MAML2: variants seen among roughly 807,000 people sequenced by gnomAD.
The protein encoded by MAML2 is mastermind like transcriptional coactivator 2.
MAML2 carries 22 observed loss-of-function variants against 96.1 expected under a neutral mutation model. That is an observed-to-expected ratio of 0.23 (90% confidence interval 0.16 to 0.33). The LOEUF is 0.33. Ranked by LOEUF, MAML2 falls within the 10% of genes least tolerant of loss-of-function variation. MAML2 has a pLI of 1.00. For missense variants in MAML2, 1,367 were observed against 1,392.4 expected (o/e 0.98, Z 0.29); for synonymous variants, 561 against 521.3 (o/e 1.08, Z -1.04).
intron 2 of MAML2, among the ~76,000 whole-genome samples, chr11:96,046,048 C>T (rs890106433): frequency 4.6e-5 from 7 of 152,264 alleles, no homozygotes; most frequent in African/African-American, 1.7e-4. Flanking sequence ...TTCTCCTTCT[C>T]CTTCACTTGC....
In MAML2 at chr11:96,342,169, G is replaced by T; in HGVS notation, c.-274C>A. 2.1e-6 allele frequency: 1 copy of T among 485,306 alleles called. No homozygotes were observed. Among genetic ancestry groups the T allele is most frequent in the Admixed American group, 3.7e-5 (1 of 26,916 alleles). The allele number at this position is 485,306 out of a possible 1,614,324, so 30.1% of individuals were successfully genotyped here. On this transcript the variant is annotated 5_prime_UTR_variant, in exon 1 of 5. Transcript: ENST00000524717. ...TACTCTAATTGCATTTGACAGCTCT[G>T]GAGAAGTTGGACAGAGTTGGTGGAT... is the stretch of plus-strand genomic sequence containing the variant.
intron 1 of MAML2, among the ~76,000 whole-genome samples, chr11:96,211,287 T>A (rs1466957374): frequency 6.6e-6 from 1 of 152,148 alleles, no homozygotes; most frequent in Admixed American, 6.5e-5. Context: ...AATTATTCAG[T>A]AAATGGTTAT....
chr11:96,246,330 G>C (rs1037822750), intron 1 of MAML2, among the ~76,000 whole-genome samples: 5 of 152,070 alleles, frequency 3.3e-5, no homozygotes, highest in Non-Finnish European at 1.5e-5. Context: ...GTGTTTATAA[G>C]TAGAAAAGGC....
intron 2 of MAML2, among the ~76,000 whole-genome samples, chr11:96,038,599 T>A (rs948036315): frequency 6.6e-6 from 1 of 152,250 alleles, no homozygotes; most frequent in Non-Finnish European, 1.5e-5. Context: ...TTGCTCTTAC[T>A]GCATGGTATT....
At chr11:96,312,242 A>AAAAAAAAAAAAAAAAAT in intron 1 of MAML2, among the ~76,000 whole-genome samples, 1 of 150,768 alleles carries the variant, frequency 6.6e-6, no homozygotes, top group Non-Finnish European at 1.5e-5. Flanking sequence ...AAAAAAAAAA[A>AAAAAAAAAAAAAAAAAT]AAGAATGAGC....
At chr11:96,229,992 C>T (rs1862269216) in intron 1 of MAML2, among the ~76,000 whole-genome samples, 1 of 152,166 alleles carries the variant, frequency 6.6e-6, no homozygotes, top group Non-Finnish European at 1.5e-5. Context: ...TTAAACTTAA[C>T]ACCAGTTGTT....
rs1376464762 is a variant in MAML2, at chr11:96,206,234, GGTGA to G, written c.514-112721_514-112718del. ...TTCTTTATGCAACATGAATATTTGG[GGTGA>G]GTATCAGTAATACAAGAGAAAGTAA... On this transcript the variant is annotated intron_variant, in intron 1 of 4. Coordinates refer to ENST00000524717, the MANE Select transcript of MAML2 (RefSeq NM_032427.4). 7.2e-5 allele frequency among the ~76,000 whole-genome samples: 11 copies of G among 152,182 alleles called. No homozygotes were observed. The South Asian group carries it at 2.1e-3, about 29-fold the overall frequency.
Position 96,342,041 on chromosome 11 carries a change from C to A in MAML2, c.-146G>T. The A allele has an allele frequency of 4.4e-6, 3 of 686,882 alleles. No homozygotes were observed. Among genetic ancestry groups the A allele is most frequent in the South Asian group, 2.9e-5 (1 of 34,376 alleles). 42.5% of individuals were successfully genotyped at this position (686,882 alleles called of 1,614,324 possible). ...AGGTCTTCAGAGGTTGTGGGGGAGC[C>A]GTGGAGAAGTTGTGGGGGAGGGGAG... On this transcript the variant is annotated 5_prime_UTR_variant, in exon 1 of 5. Coordinates refer to ENST00000524717, the MANE Select transcript of MAML2 (RefSeq NM_032427.4).
intron 1 of MAML2, among the ~76,000 whole-genome samples, chr11:96,099,684 A>G (rs1181045787): frequency 1.3e-5 from 2 of 152,166 alleles, no homozygotes; most frequent in Non-Finnish European, 1.5e-5. Context: ...AAACAATGCT[A>G]AAAAGGAGGT....
chr11:95,977,522 T>C lies in MAML2; in HGVS notation c.*1426A>G, dbSNP rs180707168. The C allele has an allele frequency of 4.5e-5, 9 of 200,384 alleles. No homozygotes were observed. Among genetic ancestry groups the C allele is most frequent in the Admixed American group, 4.2e-4 (7 of 16,606 alleles). 12.4% of individuals were successfully genotyped at this position (200,384 alleles called of 1,614,324 possible). On this transcript the variant is annotated 3_prime_UTR_variant, in exon 5 of 5. Transcript: ENST00000524717. ...CATTTGATATTTGAATATGTGAGCATAGAACTGAAAGGGCTGAAGATAACC... is the reference window on the plus strand; with the variant it reads ...CATTTGATATTTGAATATGTGAGCACAGAACTGAAAGGGCTGAAGATAACC...
intron 1 of MAML2, among the ~76,000 whole-genome samples, chr11:96,121,780 A>ATTTTTTTTGTTTTTTT (rs1860346538): frequency 2.8e-5 from 1 of 35,238 alleles, no homozygotes; most frequent in Non-Finnish European, 4.9e-5. Flanking sequence ...CAACTGCGTG[A>ATTTTTTTTGTTTTTTT]TTTTTTTTTT....
chr11:96,148,775 C>G (rs539985979), intron 1 of MAML2, among the ~76,000 whole-genome samples: 1 of 151,526 alleles, frequency 6.6e-6, no homozygotes, highest in South Asian at 2.1e-4. Flanking sequence ...GAAAGACAGA[C>G]AGCACATGTG....
chr11:96,084,662 G>A (rs780923986), intron 2 of MAML2, among the ~76,000 whole-genome samples: 2 of 152,208 alleles, frequency 1.3e-5, no homozygotes, highest in Non-Finnish European at 2.9e-5. Flanking sequence ...TTGGTCTGCA[G>A]GGAAAGGGTC....
At chr11:96,039,147 T>C (rs1240746475) in intron 2 of MAML2, among the ~76,000 whole-genome samples, 1 of 151,922 alleles carries the variant, frequency 6.6e-6, no homozygotes, top group East Asian at 1.9e-4. Context: ...CCCAGCTACT[T>C]GGGAGGCTGA....
intron 1 of MAML2, among the ~76,000 whole-genome samples, chr11:96,239,072 G>A (rs976485759): frequency 2.6e-5 from 4 of 152,208 alleles, no homozygotes; most frequent in Admixed American, 2.6e-4. Flanking sequence ...CCAAAGATGG[G>A]AATCACACTA....
intron 1 of MAML2, among the ~76,000 whole-genome samples, chr11:96,315,681 G>C (rs781040498): frequency 1.3e-5 from 2 of 152,106 alleles, no homozygotes; most frequent in Non-Finnish European, 2.9e-5. Flanking sequence ...CTCATCATGC[G>C]TGGTACCCAG....
chr11:96,248,567 T>C (rs1862541199), intron 1 of MAML2, among the ~76,000 whole-genome samples: 1 of 152,116 alleles, frequency 6.6e-6, no homozygotes, highest in Non-Finnish European at 1.5e-5. Flanking sequence ...CCCCTCCTCT[T>C]TCCCACCCAG....
At chr11:96,272,286 A>G (rs1418942868) in intron 1 of MAML2, among the ~76,000 whole-genome samples, 2 of 152,190 alleles carry the variant, frequency 1.3e-5, no homozygotes, top group Non-Finnish European at 2.9e-5. Flanking sequence ...AGTAGGACTC[A>G]ATAAATATTT....
chr11:96,206,157 T>C (rs2135934674), intron 1 of MAML2, among the ~76,000 whole-genome samples: 1 of 152,302 alleles, frequency 6.6e-6, no homozygotes, highest in Non-Finnish European at 1.5e-5. Flanking sequence ...CTTTTCAAAA[T>C]GCTTTGTGAA....
Sources: gnomAD v4.1 joint callset for allele counts (sites outside exome capture counted in the v4.1 genomes callset) on GRCh38, gnomAD v4.1.1 for gene constraint, MANE v1.5 for transcripts, NCBI Gene and HGNC (gene_info 2026-07-23, HGNC 2026-07-21) for gene names.